Variants in OTOGL observed in about 807,000 individuals in gnomAD.
The protein encoded by OTOGL is otogelin like.
OTOGL carries 285 observed loss-of-function variants against 318.5 expected under a neutral mutation model. That is an observed-to-expected ratio of 0.89 (90% confidence interval 0.81 to 0.99). The LOEUF is 0.99. Ranked by LOEUF, OTOGL falls within the 50% of genes least tolerant of loss-of-function variation. The pLI is 0.00. For synonymous variants in OTOGL, 987 were observed against 936.5 expected, an observed-to-expected ratio of 1.05 and a Z score of -0.99; for missense variants, 2,899 against 2,845.6, an observed-to-expected ratio of 1.02 and a Z score of -0.43.
chr12:80,253,130 C>T (rs1358261093), intron 13 of OTOGL, among the ~76,000 whole-genome samples: 2 of 152,140 alleles, frequency 1.3e-5, no homozygotes, highest in African/African-American at 2.4e-5. Flanking sequence ...TTGGAATGAA[C>T]AGAAACTAAA....
rs951731482 is a variant in OTOGL, at chr12:80,233,015, G to A, written c.735G>A (p.Leu245=). 1 of 1,598,638 alleles carries A rather than the reference G, an allele frequency of 6.3e-7. No homozygotes were observed. The highest frequency in any genetic ancestry group is 1.3e-5 in the African/African-American group (1 of 75,010). The change falls in exon 9 of 59, where the codon CTG becomes CTA. Residue 245 remains leucine (L), a synonymous_variant. Transcript: ENST00000547103. ...WDGISGIYLK[L]SEDHKGKSCG... ...GGATATCTGGGATCTACCTCAAGCTGTCTGAGGACCATAAGGGGAAATCAT... is the reference window on the plus strand; with the variant it reads ...GGATATCTGGGATCTACCTCAAGCTATCTGAGGACCATAAGGGGAAATCAT...
At chr12:80,328,275 C>T (rs1241531497) in intron 35 of OTOGL, among the ~76,000 whole-genome samples, 1 of 151,890 alleles carries the variant, frequency 6.6e-6, no homozygotes, top group Non-Finnish European at 1.5e-5. Context: ...ACCAAGGTCG[C>T]GTCACTACAC....
At chr12:80,314,102 C>T (rs1466000153) in intron 31 of OTOGL, among the ~76,000 whole-genome samples, 1 of 152,022 alleles carries the variant, frequency 6.6e-6, no homozygotes, top group African/African-American at 2.4e-5. Flanking sequence ...AATATATTTT[C>T]CTACTTTAAA....
At chr12:80,239,568 A>G (rs1208340858) in intron 11 of OTOGL, 129 bp downstream of exon 11, 1 of 632,378 alleles carries the variant, frequency 1.6e-6, no homozygotes, top group African/African-American at 1.9e-5. Context: ...ATAAACTGCA[A>G]ACAGCTATTA....
At chr12:80,204,697 TAGTC>T (rs138060625) in intron 1 of OTOGL, among the ~76,000 whole-genome samples, 2,383 of 152,160 alleles carry the variant, frequency 0.016, 73 homozygotes, top group African/African-American at 0.054. Flanking sequence ...TTTAATAAAA[TAGTC>T]AACCATGTAA....
At chr12:80,170,178 GGTGTGTGTGTGT>G (rs532627744) in intron 1 of OTOGL, among the ~76,000 whole-genome samples, 3 of 144,064 alleles carry the variant, frequency 2.1e-5, no homozygotes, top group Non-Finnish European at 3.0e-5. Flanking sequence ...CTTTGTCAGG[GGTGTGTGTGTGT>G]GTGTGTGTGT....
chr12:80,303,559 C>A (rs1885914745), intron 28 of OTOGL, among the ~76,000 whole-genome samples: 1 of 152,210 alleles, frequency 6.6e-6, no homozygotes, highest in Admixed American at 6.5e-5. Context: ...CTATAAAGAA[C>A]TACCTGACAC....
intron 37 of OTOGL, among the ~76,000 whole-genome samples, chr12:80,330,859 AG>A (rs1159821006): frequency 6.6e-6 from 1 of 152,264 alleles, no homozygotes; most frequent in African/African-American, 2.4e-5. Context: ...AATGAAATAA[AG>A]AAAACAATTG....
intron 1 of OTOGL, among the ~76,000 whole-genome samples, chr12:80,100,921 C>T (rs917759741): frequency 3.3e-5 from 5 of 152,008 alleles, no homozygotes; most frequent in African/African-American, 1.2e-4. Context: ...AAATTCTTTG[C>T]AGTTGTCAAG....
chr12:80,329,022 T>A, intron 36 of OTOGL, 29 bp from the exon 37 acceptor site: 1 of 1,559,204 alleles, frequency 6.4e-7, no homozygotes, highest in South Asian at 1.2e-5. Flanking sequence ...AAATACAGTT[T>A]TATAAAGAGC....
intron 1 of OTOGL, among the ~76,000 whole-genome samples, chr12:80,167,756 T>A (rs1873918611): frequency 6.6e-6 from 1 of 152,106 alleles, no homozygotes; most frequent in South Asian, 2.1e-4. Flanking sequence ...TTTTTCTCGT[T>A]CTCAAGAAAA....
In OTOGL at chr12:80,209,414, G is replaced by A; in HGVS notation, c.-18G>A. 1.4e-6 allele frequency: 2 copies of A among 1,449,454 alleles called. No individual in the cohort carries two copies. The highest frequency in any genetic ancestry group is 2.5e-5 in the East Asian group (1 of 39,840). The allele number at this position is 1,449,454 out of a possible 1,614,324, so 89.8% of individuals were successfully genotyped here. On this transcript the variant is annotated splice_region_variant and 5_prime_UTR_variant, in exon 2 of 59. Transcript: ENST00000547103. ...ACCATCAATTTGGTTACATTTCAGG[G>A]GGAAAGGCTACACTGAAATGAACAT...
chr12:80,291,285 C>T lies in OTOGL; in HGVS notation c.2929-5542C>T, dbSNP rs116597789. Among the ~76,000 whole-genome samples the T allele has an allele frequency of 3.6e-3, 544 of 152,240 alleles. 2 individuals are homozygous for T. Among genetic ancestry groups the T allele is most frequent in the African/African-American group, 0.012 (516 of 41,540 alleles). ...TTCCTCATTTCTATGAAAGACAAAT[C>T]ATAACAGGACCAATGTACTTGCAAA... On this transcript the variant is annotated intron_variant, in intron 26 of 58. Transcript: ENST00000547103.
At chr12:80,183,076 T>A (rs1875039494) in intron 1 of OTOGL, among the ~76,000 whole-genome samples, 1 of 152,236 alleles carries the variant, frequency 6.6e-6, no homozygotes, top group Non-Finnish European at 1.5e-5. Context: ...AGAAAATTTT[T>A]ATAAAAATAT....
chr12:80,182,768 G>A (rs534100353), intron 1 of OTOGL, among the ~76,000 whole-genome samples: 1 of 152,344 alleles, frequency 6.6e-6, no homozygotes, highest in Admixed American at 6.5e-5. Flanking sequence ...AGCTCAGGAT[G>A]GCTGAAGCAT....
chr12:80,125,668 T>C (rs1870781302), intron 1 of OTOGL, among the ~76,000 whole-genome samples: 1 of 152,208 alleles, frequency 6.6e-6, no homozygotes, highest in African/African-American at 2.4e-5. Flanking sequence ...CATCTGGTCC[T>C]GGACTTTTTT....
intron 24 of OTOGL, among the ~76,000 whole-genome samples, chr12:80,277,341 ATATT>A (rs1415233889): frequency 6.8e-6 from 1 of 147,428 alleles, no homozygotes; most frequent in East Asian, 2.0e-4. Flanking sequence ...ATTGAAATAT[ATATT>A]TATATTAAAT....
chr12:80,337,763 T>C (rs556149489), intron 42 of OTOGL, among the ~76,000 whole-genome samples: 10 of 152,182 alleles, frequency 6.6e-5, no homozygotes, highest in African/African-American at 2.2e-4. Context: ...TTAGCATAGG[T>C]CCATAGATTC....
chr12:80,149,303 G>A (rs1446964051), intron 1 of OTOGL, among the ~76,000 whole-genome samples: 11 of 151,338 alleles, frequency 7.3e-5, no homozygotes, highest in Non-Finnish European at 1.0e-4. Flanking sequence ...GTCTGTTGGA[G>A]TACCCTGCGG....
Sources: allele counts gnomAD v4.1 joint callset (sites outside exome capture counted in the v4.1 genomes callset), GRCh38; gene constraint gnomAD v4.1.1; transcripts MANE v1.5; gene names NCBI Gene and HGNC (gene_info 2026-07-23, HGNC 2026-07-21).